The following ZFPM2 variants were observed in gnomAD, a reference collection of about 807,000 sequenced individuals.
ZFPM2 encodes zinc finger protein, FOG family member 2.
A neutral mutation model predicts 98.6 loss-of-function variants in ZFPM2; 20 were observed. That is an observed-to-expected ratio of 0.20 (90% CI 0.14 to 0.29). The LOEUF (loss-of-function observed/expected upper bound fraction) is 0.29. Ranked by LOEUF, ZFPM2 falls within the 10% of genes least tolerant of loss-of-function variation. The probability of loss-of-function intolerance (pLI) is 1.00; values close to 1 mark genes in which losing one functional copy is unlikely to be tolerated. For synonymous variants in ZFPM2, 518 were observed against 502.7 expected (o/e 1.03, Z -0.41); for missense variants, 1,310 against 1,388.6 (o/e 0.94, Z 0.90).
chr8:105,628,273 A>G (rs1374618414), intron 4 of ZFPM2, among the ~76,000 whole-genome samples: 1 of 152,208 alleles, frequency 6.6e-6, no homozygotes, highest in African/African-American at 2.4e-5. Flanking sequence ...TTATACTTCA[A>G]CTGTAAAGTC....
chr8:105,704,334 T>G lies in ZFPM2; in HGVS notation c.532+69977T>G, dbSNP rs984003279. Among the ~76,000 whole-genome samples, 3 of 152,172 alleles carry G rather than the reference T, an allele frequency of 2.0e-5. 1 individual carries two copies. Among genetic ancestry groups the G allele is most frequent in the Non-Finnish European group, 4.4e-5 (3 of 68,032 alleles). ...CTAAATCCTGAATCTGGCAGAAAAT[T>G]GGATGCAGCTTAAAGACTGACGCTG... On this transcript the variant is annotated intron_variant, in intron 5 of 7. Transcript: ENST00000407775.
chr8:105,527,384 A>G (rs114939900), intron 3 of ZFPM2, among the ~76,000 whole-genome samples: 1,585 of 152,348 alleles, frequency 0.01, 28 homozygotes, highest in African/African-American at 0.036. Context: ...ACACAGAGCG[A>G]AAGAGCAAAG....
chr8:105,593,949 G>A (rs1015339881), intron 4 of ZFPM2, among the ~76,000 whole-genome samples: 2 of 152,082 alleles, frequency 1.3e-5, no homozygotes, highest in Non-Finnish European at 2.9e-5. Context: ...AGTCATTATG[G>A]CCTGGAGTCT....
chr8:105,723,561 G>C (rs1811723890), intron 5 of ZFPM2, among the ~76,000 whole-genome samples: 1 of 151,864 alleles, frequency 6.6e-6, no homozygotes, highest in African/African-American at 2.4e-5. Flanking sequence ...ATACTGGCAA[G>C]ATACGTCCTG....
At chr8:105,454,782 C>T (rs1253027479) in intron 3 of ZFPM2, among the ~76,000 whole-genome samples, 1 of 152,152 alleles carries the variant, frequency 6.6e-6, no homozygotes, top group Admixed American at 6.5e-5. Flanking sequence ...AGGGTAAATG[C>T]ATCGTTCTCA....
intron 5 of ZFPM2, among the ~76,000 whole-genome samples, chr8:105,650,855 G>T (rs1458665063): frequency 2.0e-5 from 3 of 152,282 alleles, no homozygotes; most frequent in Middle Eastern, 3.4e-3. Context: ...TTGATTTGCG[G>T]TGGAGAGTTC....
chr8:105,731,530 A>T (rs1811938789), intron 5 of ZFPM2, among the ~76,000 whole-genome samples: 1 of 151,718 alleles, frequency 6.6e-6, no homozygotes, highest in South Asian at 2.1e-4. Context: ...CATGTAAGAC[A>T]TATTTGTATT....
intron 4 of ZFPM2, among the ~76,000 whole-genome samples, chr8:105,578,871 C>T (rs1057080043): frequency 6.6e-5 from 10 of 152,092 alleles, no homozygotes; most frequent in African/African-American, 2.2e-4. Flanking sequence ...ACCTTCATAA[C>T]TCCACAGGCA....
At position 105,359,367 on chromosome 8, in the gene ZFPM2, C is replaced by CTT. The variant is rs111675257; in HGVS notation, c.40+40400_40+40401dup. 5.3e-3 allele frequency among the ~76,000 whole-genome samples: 722 copies of CTT among 135,316 alleles called. 8 individuals are homozygous for CTT. Among genetic ancestry groups the CTT allele is most frequent in the Middle Eastern group, 0.02 (5 of 248 alleles). 88.8% of individuals were successfully genotyped at this position (135,316 alleles called of 152,430 possible). A position where few individuals can be genotyped will look rare whatever the true frequency, so the allele number is the denominator to read the frequency against. ...CTTTCTTTTCTTTTTCTTTTTCTTT[C>CTT]TTTTTTTTTTTTTTTGTTGTTGTTT... On this transcript the variant is annotated intron_variant, in intron 1 of 7. Coordinates refer to ENST00000407775, the MANE Select transcript of ZFPM2 (RefSeq NM_012082.4).
rs112484980 is a variant in ZFPM2 at position 105,582,094 on chromosome 8, G to C, written c.420+20613G>C. Among the ~76,000 whole-genome samples, 604 of 152,322 alleles carry C rather than the reference G, an allele frequency of 4.0e-3. 8 individuals carry two copies. Among genetic ancestry groups the C allele is most frequent in the African/African-American group, 0.014 (569 of 41,558 alleles). ...TGAAGTGAGATCATTTGTTGGATGA[G>C]ATTGTACAACTTTATCTTTCTACTA... On this transcript the variant is annotated intron_variant, in intron 4 of 7. Coordinates refer to ENST00000407775, the MANE Select transcript of ZFPM2 (RefSeq NM_012082.4).
chr8:105,512,473 T>C (rs1483724417), intron 3 of ZFPM2, among the ~76,000 whole-genome samples: 2 of 152,176 alleles, frequency 1.3e-5, no homozygotes, highest in Non-Finnish European at 2.9e-5. Flanking sequence ...GAATAGTGGA[T>C]ATAGTAGTCA....
rs1231099321 is a variant in ZFPM2, at chr8:105,801,072, C to T, written c.990C>T (p.Pro330=). 3 of 1,613,274 alleles carry T rather than the reference C, an allele frequency of 1.9e-6. No homozygotes were observed. The highest frequency in any genetic ancestry group is 2.7e-5 in the African/African-American group (2 of 74,978). ...GAGTGAAAATGGAAGAATTCCTGCC[C>T]CCTGGTGCTAGTCTAAAATGCACCG... The part of the protein sequence containing the change: ...HSGVKMEEFL[P]PGASLKCTVC... Residue 330 remains proline, a synonymous_variant, in exon 8 of 8, where the codon CCC becomes CCT. Coordinates refer to ENST00000407775, the MANE Select transcript of ZFPM2 (RefSeq NM_012082.4).
chr8:105,801,453 G>A lies in ZFPM2; in HGVS notation c.1371G>A (p.Gln457=). ...TCACGAACCAGAGACCAGAGATACA[G>A]CCTACAACAAATAAACAAAGCTTTT... ...LFLTNQRPEI[Q]PTTNKQSFSY... The change falls in exon 8 of 8, where the codon CAG becomes CAA. Residue 457 remains glutamine, a synonymous_variant. Transcript: ENST00000407775. The A allele has an allele frequency of 6.2e-7, 1 of 1,613,886 alleles. No homozygotes were observed. Among genetic ancestry groups the A allele is most frequent in the Non-Finnish European group, 8.5e-7 (1 of 1,179,854 alleles).
intron 3 of ZFPM2, among the ~76,000 whole-genome samples, chr8:105,505,075 G>T (rs1813672385): frequency 6.6e-6 from 1 of 152,142 alleles, no homozygotes; most frequent in African/African-American, 2.4e-5. Context: ...AATTACATGG[G>T]TTTGGAATAC....
intron 5 of ZFPM2, among the ~76,000 whole-genome samples, chr8:105,768,108 TTCTC>T (rs976041644): frequency 3.0e-5 from 4 of 132,854 alleles, no homozygotes; most frequent in East Asian, 4.2e-4. Flanking sequence ...CTCTCTCTCT[TTCTC>T]TCTCTCTCTC....
At chr8:105,446,752 T>G (rs1812378997) in intron 3 of ZFPM2, among the ~76,000 whole-genome samples, 1 of 152,164 alleles carries the variant, frequency 6.6e-6, no homozygotes, top group Non-Finnish European at 1.5e-5. Flanking sequence ...AAAAATTTCT[T>G]CTTCGTCTAT....
At chr8:105,767,106 T>A (rs1183827846) in intron 5 of ZFPM2, among the ~76,000 whole-genome samples, 1 of 151,864 alleles carries the variant, frequency 6.6e-6, no homozygotes, top group Admixed American at 6.6e-5. Flanking sequence ...CAATAAATAT[T>A]GTGGTTTTAA....
intron 6 of ZFPM2, among the ~76,000 whole-genome samples, chr8:105,794,054 G>T (rs1216593119): frequency 1.3e-5 from 2 of 152,124 alleles, no homozygotes; most frequent in Non-Finnish European, 2.9e-5. Flanking sequence ...TTGATTGTCT[G>T]AAGCCTTCTT....
At chr8:105,623,401 A>G (rs1816593714) in intron 4 of ZFPM2, among the ~76,000 whole-genome samples, 2 of 152,218 alleles carry the variant, frequency 1.3e-5, no homozygotes, top group African/African-American at 4.8e-5. Context: ...TCGAGATATA[A>G]GCAAGTTAAT....
Sources: gnomAD v4.1 joint callset for allele counts (sites outside exome capture counted in the v4.1 genomes callset) on GRCh38, gnomAD v4.1.1 for gene constraint, MANE v1.5 for transcripts, NCBI Gene and HGNC (gene_info 2026-07-23, HGNC 2026-07-21) for gene names.